Variants in ITGA9 observed in about 807,000 individuals in gnomAD.
The protein encoded by ITGA9 is integrin subunit alpha 9.
A neutral mutation model predicts 127.8 loss-of-function variants in ITGA9; 56 were observed. That is an observed-to-expected ratio of 0.44 (90% CI 0.35 to 0.55). The LOEUF is 0.55. ITGA9 is among the 20% of genes least tolerant of loss of function. ITGA9 has a pLI of 0.00. For synonymous variants in ITGA9, 508 were observed against 514.5 expected, an observed-to-expected ratio of 0.99 and a Z score of 0.17; for missense variants, 1,196 against 1,347.1, an observed-to-expected ratio of 0.89 and a Z score of 1.76.
chr3:37,818,786 C>G, intron 27 of ITGA9, 105 bp from the exon 28 acceptor site: 1 of 813,734 alleles, frequency 1.2e-6, no homozygotes. Flanking sequence ...CCTCCCCAGC[C>G]CTGTGAGTGC....
At chr3:37,523,741 G>A (rs1303496570) in intron 12 of ITGA9, 130 bp downstream of exon 12, 2 of 743,576 alleles carry the variant, frequency 2.7e-6, no homozygotes, top group African/African-American at 1.7e-5. Flanking sequence ...AGAATAGGGT[G>A]TTTTGCCTGG....
chr3:37,547,973 C>T (rs1012433194), intron 15 of ITGA9, among the ~76,000 whole-genome samples: 3 of 152,124 alleles, frequency 2.0e-5, no homozygotes, highest in African/African-American at 7.2e-5. Flanking sequence ...TGTGTACCTC[C>T]TTTTATTTTA....
chr3:37,641,307 G>A lies in ITGA9; in HGVS notation c.1839+11971G>A, dbSNP rs184450712. ...CCGAAACCATCCCGCCCCCTCCACC[G>A]CCCGTTCATGGAAAAATTATCTTTC... On this transcript the variant is annotated intron_variant, in intron 16 of 27. Coordinates refer to ENST00000264741, the MANE Select transcript of ITGA9 (RefSeq NM_002207.3). 3.3e-5 allele frequency among the ~76,000 whole-genome samples: 5 copies of A among 152,096 alleles called. No individual in the cohort carries two copies. The South Asian group carries it at 6.2e-4, about 19-fold the overall frequency.
intron 4 of ITGA9, among the ~76,000 whole-genome samples, chr3:37,486,401 A>T (rs929921404): frequency 8.5e-5 from 13 of 152,230 alleles, no homozygotes; most frequent in African/African-American, 3.1e-4. Context: ...GGCAAGCTCC[A>T]TGAGCCTGGT....
intron 17 of ITGA9, among the ~76,000 whole-genome samples, chr3:37,662,154 C>T (rs1700542563): frequency 1.3e-5 from 2 of 152,114 alleles, no homozygotes; most frequent in Non-Finnish European, 2.9e-5. Context: ...GTAATCCCAG[C>T]ACTTTGGGCG....
intron 18 of ITGA9, among the ~76,000 whole-genome samples, chr3:37,722,446 C>A (rs754589889): frequency 6.6e-6 from 1 of 152,202 alleles, no homozygotes; most frequent in Admixed American, 6.5e-5. Context: ...AACCACCATA[C>A]TTCTTAGCTG....
At chr3:37,481,334 C>T (rs1373360098) in intron 3 of ITGA9, 150 bp from the exon 4 acceptor site, 7 of 981,452 alleles carry the variant, frequency 7.1e-6, no homozygotes, top group Non-Finnish European at 8.1e-6. Flanking sequence ...TTTCTGATGC[C>T]CAGAAAAGTG....
intron 1 of ITGA9, among the ~76,000 whole-genome samples, chr3:37,468,530 T>G (rs983591950): frequency 6.6e-6 from 1 of 152,174 alleles, no homozygotes; most frequent in Non-Finnish European, 1.5e-5. Flanking sequence ...AGACTTCTGT[T>G]GTATGATGTA....
In ITGA9 at chr3:37,566,151, T is replaced by C. The variant is rs191467002; in HGVS notation, c.1689+23566T>C. ...CTCATAAAAAGTCAAAATAGTACAA[T>C]AGTCCCCCCTTATCCATTGGGAATA... is the stretch of plus-strand genomic sequence containing the variant. On this transcript the variant is annotated intron_variant, in intron 15 of 27. Transcript: ENST00000264741. 7.9e-4 allele frequency among the ~76,000 whole-genome samples: 120 copies of C among 152,328 alleles called. 1 individual carries two copies. Among genetic ancestry groups the C allele is most frequent in the Non-Finnish European group, 4.3e-4 (29 of 68,028 alleles).
In ITGA9 at chr3:37,566,826, G is replaced by A. The variant is rs200440653; in HGVS notation, c.1689+24241G>A. Among the ~76,000 whole-genome samples, 11 of 152,300 alleles carry A rather than the reference G, an allele frequency of 7.2e-5. No individual in the cohort carries two copies. The East Asian group carries it at 1.2e-3, about 16-fold the overall frequency. ...AATCCCTGTCCCCAGCACTGAGAAG[G>A]AACATGAACCATGTATTCCCTGAAT... On this transcript the variant is annotated intron_variant, in intron 15 of 27. Coordinates refer to ENST00000264741, the MANE Select transcript of ITGA9 (RefSeq NM_002207.3).
chr3:37,734,967 A>G (rs1696341080), intron 19 of ITGA9, among the ~76,000 whole-genome samples: 1 of 152,212 alleles, frequency 6.6e-6, no homozygotes. Context: ...AGAAAGCCCA[A>G]CAAGTCACCC....
At chr3:37,679,977 G>T (rs1274251593) in intron 17 of ITGA9, among the ~76,000 whole-genome samples, 1 of 152,088 alleles carries the variant, frequency 6.6e-6, no homozygotes, top group Non-Finnish European at 1.5e-5. Flanking sequence ...GGGGGGTGGG[G>T]GGCTCATAAT....
intron 18 of ITGA9, among the ~76,000 whole-genome samples, chr3:37,703,333 C>T (rs1466039428): frequency 2.0e-5 from 3 of 152,096 alleles, no homozygotes. Flanking sequence ...CTGAAGGAGG[C>T]CCAATCCAGT....
In ITGA9 at chr3:37,819,430, A is replaced by G. The variant is rs1697484491; in HGVS notation, c.*441A>G. The G allele has an allele frequency of 6.2e-6, 1 of 160,134 alleles. No homozygotes were observed. The highest frequency in any genetic ancestry group is 2.4e-5 in the African/African-American group (1 of 41,530). 9.9% of individuals were successfully genotyped at this position (160,134 alleles called of 1,614,324 possible). On this transcript the variant is annotated 3_prime_UTR_variant, in exon 28 of 28. Transcript: ENST00000264741. ...CCTAAAATCTTGGAAGTACATGTCCATGAATACAAATTTTAAAGGATGAAA... is the reference window on the plus strand; with the variant it reads ...CCTAAAATCTTGGAAGTACATGTCCGTGAATACAAATTTTAAAGGATGAAA...
rs1195689986 is a variant in ITGA9, at chr3:37,513,752, C to A, written c.898-11C>A. 6.2e-7 allele frequency: 1 copy of A among 1,614,090 alleles called. No homozygotes were observed. The highest frequency in any genetic ancestry group is 8.5e-7 in the Non-Finnish European group (1 of 1,180,014). On this transcript the variant is annotated splice_polypyrimidine_tract_variant and intron_variant, in intron 8 of 27. Coordinates refer to ENST00000264741, the MANE Select transcript of ITGA9 (RefSeq NM_002207.3). Reference sequence around the variant, plus strand: ...CACTGAATGCTTTGTTGCAACTCAACTTGGTTGCAGATGGGCTCTTACTTC... The same window carrying A: ...CACTGAATGCTTTGTTGCAACTCAAATTGGTTGCAGATGGGCTCTTACTTC...
At chr3:37,570,186 G>A (rs185768387) in intron 15 of ITGA9, among the ~76,000 whole-genome samples, 1 of 152,256 alleles carries the variant, frequency 6.6e-6, no homozygotes, top group Non-Finnish European at 1.5e-5. Flanking sequence ...CATGGATGCA[G>A]CAAAAACCCA....
intron 25 of ITGA9, among the ~76,000 whole-genome samples, chr3:37,780,445 A>G (rs1462608327): frequency 1.3e-5 from 2 of 152,208 alleles, no homozygotes; most frequent in African/African-American, 4.8e-5. Context: ...ACTTAGGGAA[A>G]TGGACTTCAT....
intron 15 of ITGA9, among the ~76,000 whole-genome samples, chr3:37,625,180 C>T (rs1031096626): frequency 1.3e-5 from 2 of 152,156 alleles, no homozygotes; most frequent in African/African-American, 4.8e-5. Context: ...TGCCCAGGGG[C>T]ATTTCCTCTG....
rs150147459 is a variant in ITGA9 at position 37,629,309 on chromosome 3, G to A, written c.1812G>A (p.Lys604=). ...PPLTPVLRWK[K]GQKIAQKNQT... ...TGACACCAGTTCTCCGCTGGAAAAA[G>A]GGACAAAAGATTGCCCAAAAGAATC... Residue 604 remains lysine, a synonymous_variant, in exon 16 of 28, where the codon AAG becomes AAA. Transcript: ENST00000264741. The surrounding 1 kb of genome is among the most constrained non-coding windows in gnomAD (Gnocchi z 4.5). The A allele has an allele frequency of 1.2e-6, 2 of 1,614,150 alleles. No homozygotes were observed. Among genetic ancestry groups the A allele is most frequent in the Non-Finnish European group, 1.7e-6 (2 of 1,180,026 alleles).
Sources: gnomAD v4.1 joint callset for allele counts (sites outside exome capture counted in the v4.1 genomes callset) on GRCh38, gnomAD v4.1.1 for gene constraint, Gnocchi (gnomAD v3.1) non-coding constraint, MANE v1.5 for transcripts, NCBI Gene and HGNC (gene_info 2026-07-23, HGNC 2026-07-21) for gene names.